Variants in TRMT44 observed in about 807,000 individuals in gnomAD.
TRMT44 encodes the protein tRNA methyltransferase 44 homolog.
A neutral mutation model predicts 77.3 loss-of-function variants in TRMT44; 78 were observed. That is an observed-to-expected ratio of 1.01 (90% CI 0.84 to 1.22). The LOEUF is 1.22. Among genes scored for constraint, TRMT44 ranks in the 50% most tolerant of loss-of-function variants. The pLI, the probability that TRMT44 is intolerant of heterozygous loss-of-function variation, is 0.00. For missense variants in TRMT44, 1,090 were observed against 964.4 expected (o/e 1.13, Z -1.73); for synonymous variants, 391 against 383.3 (o/e 1.02, Z -0.23).
intron 9 of TRMT44, chr4:8,468,601 G>T: frequency 1.7e-6 from 1 of 594,772 alleles, no homozygotes; most frequent in Non-Finnish European, 3.0e-6. Context: ...TACCAAACAT[G>T]CAGGTTTAGG....
chr4:8,465,268 C>T lies in TRMT44; in HGVS notation c.1311-110C>T, dbSNP rs370277958. 7.8e-5 allele frequency: 77 copies of T among 988,034 alleles called. 1 individual carries two copies. The South Asian group carries it at 1.1e-3, about 14-fold the overall frequency. The allele number at this position is 988,034 out of a possible 1,614,324, so 61.2% of individuals were successfully genotyped here. A position where few individuals can be genotyped will look rare whatever the true frequency, so the allele number is the denominator to read the frequency against. On this transcript the variant is annotated intron_variant, in intron 7 of 10. Transcript: ENST00000389737. ...AAGAAACAATATTGGCCAGGAACAT[C>T]ACTTCCCTATTTTGCCCTGATATGC...
chr4:8,484,754 T>C (rs1727750200), intron 2 of TRMT44, among the ~76,000 whole-genome samples: 1 of 152,178 alleles, frequency 6.6e-6, no homozygotes, highest in African/African-American at 2.4e-5. Flanking sequence ...TGTGAGTTTA[T>C]ATAATGGTTT....
chr4:8,483,354 G>A (rs1461590483), intron 2 of TRMT44, among the ~76,000 whole-genome samples: 2 of 152,096 alleles, frequency 1.3e-5, no homozygotes, highest in Non-Finnish European at 2.9e-5. Flanking sequence ...GCATGTATGA[G>A]TAGTTGAGAA....
intron 6 of TRMT44, among the ~76,000 whole-genome samples, chr4:8,460,242 G>C (rs1263741049): frequency 6.6e-6 from 1 of 152,222 alleles, no homozygotes; most frequent in Non-Finnish European, 1.5e-5. Flanking sequence ...GGGTGGTGTG[G>C]GAGTGGCCTC....
At chr4:8,481,233 A>C (rs951131263), downstream of TRMT44, among the ~76,000 whole-genome samples, 1 of 152,184 alleles carries the variant, frequency 6.6e-6, no homozygotes, top group South Asian at 2.1e-4. Context: ...TGTAGCCTGG[A>C]AGCTTCCCTC....
chr4:8,516,266 G>C, the TRMT44 span, among the ~76,000 whole-genome samples: 1 of 152,098 alleles, frequency 6.6e-6, no homozygotes. Context: ...CTCTGCAGAC[G>C]ACAGCCTGAG....
At chr4:8,462,656 G>A (rs1334329354) in intron 6 of TRMT44, among the ~76,000 whole-genome samples, 1 of 152,192 alleles carries the variant, frequency 6.6e-6, no homozygotes, top group Non-Finnish European at 1.5e-5. Flanking sequence ...AGTGAGCCGA[G>A]ATCGCGCCAC....
chr4:8,475,243 A>G (rs1727297838), intron 10 of TRMT44, among the ~76,000 whole-genome samples: 2 of 152,176 alleles, frequency 1.3e-5, no homozygotes, highest in Admixed American at 1.3e-4. Flanking sequence ...CACAGTCCTC[A>G]GAGGTCGGGG....
Position 8,441,002 on chromosome 4 carries a change from G to C in TRMT44, c.180G>C (p.Gly60=). The C allele has an allele frequency of 6.6e-7, 1 of 1,518,952 alleles. No homozygotes were observed. The highest frequency in any genetic ancestry group is 1.4e-5 in the African/African-American group (1 of 72,234). 94.1% of individuals were successfully genotyped at this position (1,518,952 alleles called of 1,614,324 possible). A position where few individuals can be genotyped will look rare whatever the true frequency, so the allele number is the denominator to read the frequency against. ...ALPCAEARGP[G]TSAGSEQKER... The stretch of plus-strand genomic sequence containing the variant: ...CCTGCGCGGAGGCCCGCGGCCCCGG[G>C]ACTAGCGCAGGCTCGGAGCAGAAGG... Residue 60 remains glycine, a synonymous_variant, in exon 1 of 11, where the codon GGG becomes GGC. Transcript: ENST00000389737.
At chr4:8,472,779 G>GGGCTGGGCCTGCT (rs1456489861) in intron 10 of TRMT44, among the ~76,000 whole-genome samples, 1 of 141,726 alleles carries the variant, frequency 7.1e-6, no homozygotes, top group Non-Finnish European at 1.5e-5. Context: ...AGTGCTGGCT[G>GGGCTGGGCCTGCT]GGCTGGGCCT....
chr4:8,502,669 C>G, the TRMT44 span, among the ~76,000 whole-genome samples: 16 of 6,982 alleles, frequency 2.3e-3, no homozygotes, highest in African/African-American at 0.011. Flanking sequence ...GTTGATTTTT[C>G]CTGGCCACAG....
intron 6 of TRMT44, among the ~76,000 whole-genome samples, chr4:8,457,708 G>C (rs1000949469): frequency 6.6e-6 from 1 of 152,170 alleles, no homozygotes; most frequent in African/African-American, 2.4e-5. Flanking sequence ...ACAAATTCCC[G>C]CCAGAGAAAA....
At chr4:8,455,749 A>G (rs1382637016) in intron 6 of TRMT44, among the ~76,000 whole-genome samples, 2 of 152,216 alleles carry the variant, frequency 1.3e-5, no homozygotes, top group Non-Finnish European at 2.9e-5. Context: ...TGGCTGTACA[A>G]TGTTCCATTG....
intron 6 of TRMT44, among the ~76,000 whole-genome samples, chr4:8,463,719 T>C (rs942497126): frequency 6.6e-6 from 1 of 152,232 alleles, no homozygotes; most frequent in African/African-American, 2.4e-5. Context: ...AGCTTTTAAA[T>C]GATCCAAAGG....
At chr4:8,508,761 G>A in the TRMT44 span, 1 of 152,480 alleles carries the variant, frequency 6.6e-6, no homozygotes, top group East Asian at 1.9e-4. Context: ...GCTTTGGTCT[G>A]TTGGGTTTGG....
intron 6 of TRMT44, among the ~76,000 whole-genome samples, chr4:8,458,615 C>T (rs1001400677): frequency 6.6e-6 from 1 of 151,668 alleles, no homozygotes; most frequent in African/African-American, 2.4e-5. Flanking sequence ...CCATCATGCC[C>T]AGCTATTTTT....
rs1308626892 is a variant in TRMT44 at position 8,446,342 on chromosome 4, C to T, written c.620-134C>T. 8 of 621,608 alleles carry T rather than the reference C, an allele frequency of 1.3e-5. No individual in the cohort carries two copies. The Admixed American group carries it at 2.0e-4, about 15-fold the overall frequency. The allele number at this position is 621,608 out of a possible 1,614,324, so 38.5% of individuals were successfully genotyped here. A position where few individuals can be genotyped will look rare whatever the true frequency, so the allele number is the denominator to read the frequency against. On this transcript the variant is annotated intron_variant, in intron 1 of 10. Transcript: ENST00000389737. This position sits in a 1 kb window ranked among gnomAD's most constrained non-coding sequence, Gnocchi z 4.3. ...TGAATGAAAGGCAAAAGTTCCTCTC[C>T]TGGAGTGCCATTGTGAATAGAGTGC...
chr4:8,494,528 T>C (rs1728098453), downstream of TRMT44, among the ~76,000 whole-genome samples: 2 of 152,236 alleles, frequency 1.3e-5, no homozygotes, highest in Admixed American at 1.3e-4. Context: ...TGTTTGTCTC[T>C]TAGCTACCTG....
At chr4:8,508,085 G>A in the TRMT44 span, among the ~76,000 whole-genome samples, 1 of 152,012 alleles carries the variant, frequency 6.6e-6, no homozygotes, top group Non-Finnish European at 1.5e-5. Context: ...TTTTGTATTT[G>A]TAGTAGAGAT....
Sources: allele counts gnomAD v4.1 joint callset (sites outside exome capture counted in the v4.1 genomes callset), GRCh38; gene constraint gnomAD v4.1.1; non-coding constraint Gnocchi (gnomAD v3.1); transcripts MANE v1.5; gene names NCBI Gene and HGNC (gene_info 2026-07-23, HGNC 2026-07-21).